NEK1: variants seen among roughly 807,000 people sequenced by gnomAD.
The protein encoded by NEK1 is serine/threonine-protein kinase Nek1.
A neutral mutation model predicts 182.1 loss-of-function variants in NEK1; 137 were observed. The observed-to-expected ratio is 0.75, with a 90% CI of 0.65 to 0.87. The LOEUF (loss-of-function observed/expected upper bound fraction) is 0.87. Among genes scored for constraint, NEK1 ranks in the 40% least tolerant of loss-of-function variants. The pLI, the probability that NEK1 is intolerant of heterozygous loss-of-function variation, is 0.00. For synonymous variants in NEK1, 513 were observed against 492.2 expected (o/e 1.04, Z -0.56); for missense variants, 1,391 against 1,494.4 (o/e 0.93, Z 1.14).
chr4:169,452,849 A>T (rs1742096621), intron 27 of NEK1, among the ~76,000 whole-genome samples: 1 of 152,230 alleles, frequency 6.6e-6, no homozygotes, highest in Non-Finnish European at 1.5e-5. Flanking sequence ...AAGAGTATTC[A>T]GTTAGGAAAA....
At chr4:169,415,160 TC>T (rs2111216591) in intron 31 of NEK1, among the ~76,000 whole-genome samples, 1 of 152,372 alleles carries the variant, frequency 6.6e-6, no homozygotes, top group South Asian at 2.1e-4. Flanking sequence ...CTAGAATCTG[TC>T]CTTATGTAAA....
Position 169,508,335 on chromosome 4 carries a change from C to A in NEK1, c.1750-4G>T. On this transcript the variant is annotated splice_region_variant and splice_polypyrimidine_tract_variant and intron_variant, in intron 20 of 35. Coordinates refer to ENST00000507142, the MANE Select transcript of NEK1 (RefSeq NM_001199397.3). Reference sequence around the variant, plus strand: ...GCCTCAGTCTTGCCAGATAAACCTACAAGGAGGCAAAAACCCCAACATAAT... The same window carrying A: ...GCCTCAGTCTTGCCAGATAAACCTAAAAGGAGGCAAAAACCCCAACATAAT... 1 of 1,559,046 alleles carries A rather than the reference C, an allele frequency of 6.4e-7. No individual in the cohort carries two copies. Among genetic ancestry groups the A allele is most frequent in the South Asian group, 1.2e-5 (1 of 82,804 alleles).
At chr4:169,595,687 G>A (rs1769320134) in intron 5 of NEK1, among the ~76,000 whole-genome samples, 1 of 152,038 alleles carries the variant, frequency 6.6e-6, no homozygotes, top group African/African-American at 2.4e-5. Context: ...ACTTTGGGAG[G>A]CAGAGGCGGG....
At chr4:169,447,336 G>T (rs889049799) in intron 27 of NEK1, among the ~76,000 whole-genome samples, 3 of 151,870 alleles carry the variant, frequency 2.0e-5, no homozygotes, top group Admixed American at 2.0e-4. Context: ...ACATAATGAA[G>T]AAATAAAGAC....
At chr4:169,601,147 A>C (rs543512992) in intron 4 of NEK1, among the ~76,000 whole-genome samples, 141 of 152,316 alleles carry the variant, frequency 9.3e-4, no homozygotes, top group African/African-American at 3.1e-3. Flanking sequence ...ATAATGTATT[A>C]ATTGAATCAC....
intron 19 of NEK1, among the ~76,000 whole-genome samples, chr4:169,533,657 A>G (rs544735335): frequency 1.2e-4 from 18 of 152,258 alleles, no homozygotes; most frequent in Non-Finnish European, 2.4e-4. Context: ...GCTGAATGGC[A>G]GAGTAGACAA....
At position 169,586,041 on chromosome 4, in the gene NEK1, G is replaced by A. The variant is rs181686667; in HGVS notation, c.607-492C>T. Among the ~76,000 whole-genome samples, 369 of 152,140 alleles carry A rather than the reference G, an allele frequency of 2.4e-3. 1 individual carries two copies. Among genetic ancestry groups the A allele is most frequent in the African/African-American group, 7.5e-3 (312 of 41,532 alleles). On this transcript the variant is annotated intron_variant, in intron 9 of 35. Coordinates refer to ENST00000507142, the MANE Select transcript of NEK1 (RefSeq NM_001199397.3). Reference sequence around the variant, plus strand: ...AGACAATGCTCACTATTATGTGTGCGTGTGATGCTCCTAAAAGCTATGGAA... The same window carrying A: ...AGACAATGCTCACTATTATGTGTGCATGTGATGCTCCTAAAAGCTATGGAA...
intron 23 of NEK1, among the ~76,000 whole-genome samples, chr4:169,494,009 T>G (rs1750627979): frequency 1.3e-5 from 2 of 151,858 alleles, no homozygotes; most frequent in Non-Finnish European, 2.9e-5. Context: ...CCAGGGTCAA[T>G]GTGAAAGAAA....
chr4:169,496,323 T>C (rs1264459519), intron 23 of NEK1, among the ~76,000 whole-genome samples: 1 of 151,790 alleles, frequency 6.6e-6, no homozygotes, highest in African/African-American at 2.4e-5. Context: ...TGGGGTTTTC[T>C]AGATATACAA....
In NEK1 at chr4:169,447,424, T is replaced by C. The variant is rs369045024; in HGVS notation, c.2588-9165A>G. Among the ~76,000 whole-genome samples, 7 of 152,168 alleles carry C rather than the reference T, an allele frequency of 4.6e-5. No individual in the cohort carries two copies. The East Asian group carries it at 7.7e-4, about 17-fold the overall frequency. On this transcript the variant is annotated intron_variant, in intron 27 of 35. Transcript: ENST00000507142. ...AGAAATGCTAAAAGGAGTTCTTTAA[T>C]ATGAAAGAATAGGACAATAATGAGT...
intron 5 of NEK1, among the ~76,000 whole-genome samples, chr4:169,591,057 G>A (rs369303926): frequency 3.3e-5 from 5 of 152,122 alleles, no homozygotes; most frequent in South Asian, 4.2e-4. Flanking sequence ...GTAACTTTAT[G>A]AGTGAAAATG....
intron 32 of NEK1, 74 bp downstream of exon 32, chr4:169,406,522 T>C: frequency 9.2e-7 from 1 of 1,084,242 alleles, no homozygotes; most frequent in Non-Finnish European, 1.3e-6. Context: ...AAGAGCTAGG[T>C]AAGTTATCCC....
At chr4:169,545,905 C>T (rs947929855) in intron 18 of NEK1, among the ~76,000 whole-genome samples, 2 of 152,128 alleles carry the variant, frequency 1.3e-5, no homozygotes, top group African/African-American at 4.8e-5. Context: ...CTACAAACCA[C>T]CCAAGGAAAT....
intron 12 of NEK1, among the ~76,000 whole-genome samples, chr4:169,571,716 G>T (rs186064806): frequency 1.3e-4 from 20 of 152,080 alleles, no homozygotes; most frequent in Admixed American, 5.2e-4. Context: ...TTTGTAGACA[G>T]TTGTAAAGAC....
intron 23 of NEK1, among the ~76,000 whole-genome samples, chr4:169,501,180 G>A (rs1243070248): frequency 6.6e-6 from 1 of 152,080 alleles, no homozygotes; most frequent in Non-Finnish European, 1.5e-5. Flanking sequence ...ATGATAAAAG[G>A]TTCAATTAAA....
intron 27 of NEK1, among the ~76,000 whole-genome samples, chr4:169,438,588 C>T (rs2149427078): frequency 6.6e-6 from 1 of 152,250 alleles, no homozygotes; most frequent in African/African-American, 2.4e-5. Context: ...CTTCTAATTG[C>T]TCTGAAATTC....
intron 18 of NEK1, among the ~76,000 whole-genome samples, chr4:169,547,024 A>G (rs1386355566): frequency 6.6e-6 from 1 of 152,182 alleles, no homozygotes; most frequent in Non-Finnish European, 1.5e-5. Context: ...TTATGATGCT[A>G]GCTGGTTATT....
intron 23 of NEK1, among the ~76,000 whole-genome samples, chr4:169,488,505 G>A (rs990184687): frequency 6.6e-6 from 1 of 152,050 alleles, no homozygotes; most frequent in African/African-American, 2.4e-5. Context: ...TTATTTCTGA[G>A]TTCTCTATTC....
At chr4:169,495,975 T>G (rs1452524877) in intron 23 of NEK1, among the ~76,000 whole-genome samples, 2 of 152,218 alleles carry the variant, frequency 1.3e-5, no homozygotes, top group Non-Finnish European at 2.9e-5. Context: ...TGGCATTGAA[T>G]CTATAAATTA....
Sources: gnomAD v4.1 joint callset for allele counts (sites outside exome capture counted in the v4.1 genomes callset) on GRCh38, gnomAD v4.1.1 for gene constraint, MANE v1.5 for transcripts, NCBI Gene and HGNC (gene_info 2026-07-23, HGNC 2026-07-21) for gene names.